ZBTB16: variants seen among roughly 807,000 people sequenced by gnomAD.
ZBTB16 encodes zinc finger and BTB domain containing 16, also known as zinc finger and BTB domain-containing protein 16.
In ZBTB16, 8 loss-of-function variants were observed where a neutral mutation model predicts 56.8. The observed-to-expected ratio is 0.14, with a 90% CI of 0.08 to 0.25. The LOEUF is 0.25. Among genes scored for constraint, ZBTB16 ranks in the 10% least tolerant of loss-of-function variants. The pLI is 1.00. For missense variants in ZBTB16, 625 were observed against 903.0 expected (o/e 0.69, Z 3.95); for synonymous variants, 363 against 368.5 (o/e 0.98, Z 0.17).
chr11:114,061,881 A>G (rs914409944), intron 1 of ZBTB16, among the ~76,000 whole-genome samples: 2 of 152,098 alleles, frequency 1.3e-5, no homozygotes, highest in Non-Finnish European at 2.9e-5. Flanking sequence ...TGGTCACAGG[A>G]CTTGCAGACT....
At chr11:114,236,245 G>C (rs557671635) in intron 4 of ZBTB16, among the ~76,000 whole-genome samples, 1 of 152,266 alleles carries the variant, frequency 6.6e-6, no homozygotes, top group Middle Eastern at 3.4e-3. Flanking sequence ...TTTGTCAGTT[G>C]CATCATAACA....
At chr11:114,071,777 C>G (rs189362678) in intron 2 of ZBTB16, among the ~76,000 whole-genome samples, 13 of 152,268 alleles carry the variant, frequency 8.5e-5, no homozygotes, top group Non-Finnish European at 1.3e-4. Flanking sequence ...GGTGAAAGCT[C>G]TTACTCTCTG....
intron 4 of ZBTB16, among the ~76,000 whole-genome samples, chr11:114,207,531 A>G (rs937607540): frequency 2.0e-5 from 3 of 151,050 alleles, no homozygotes; most frequent in Admixed American, 6.6e-5. Flanking sequence ...TTTCTCCTCC[A>G]TGCATCTTCC....
At chr11:114,096,222 G>T (rs914437006) in intron 2 of ZBTB16, among the ~76,000 whole-genome samples, 1 of 152,172 alleles carries the variant, frequency 6.6e-6, no homozygotes, top group African/African-American at 2.4e-5. Flanking sequence ...TTTATCTCCA[G>T]TTGAGCTTCT....
intron 2 of ZBTB16, among the ~76,000 whole-genome samples, chr11:114,097,485 A>C (rs968179546): frequency 2.0e-5 from 3 of 152,232 alleles, no homozygotes; most frequent in Non-Finnish European, 4.4e-5. Flanking sequence ...ACTACAATAA[A>C]AATGTATTTT....
chr11:114,094,383 T>C (rs1435793438), intron 2 of ZBTB16, among the ~76,000 whole-genome samples: 1 of 152,086 alleles, frequency 6.6e-6, no homozygotes. Flanking sequence ...AACGAGTCCG[T>C]GTAAAGTCTA....
intron 3 of ZBTB16, among the ~76,000 whole-genome samples, chr11:114,167,510 A>G (rs1243751941): frequency 6.7e-6 from 1 of 150,310 alleles, no homozygotes; most frequent in Non-Finnish European, 1.5e-5. Context: ...GATGTGGTAA[A>G]TGGAACATAA....
chr11:114,177,818 G>A (rs1478723844), intron 3 of ZBTB16, among the ~76,000 whole-genome samples: 1 of 151,848 alleles, frequency 6.6e-6, no homozygotes, highest in Non-Finnish European at 1.5e-5. Flanking sequence ...ATTTTTTTTG[G>A]AGACAGAGTA....
intron 3 of ZBTB16, among the ~76,000 whole-genome samples, chr11:114,177,704 C>T (rs373132832): frequency 7.2e-5 from 11 of 152,236 alleles, no homozygotes; most frequent in African/African-American, 2.6e-4. Context: ...TACCACAATA[C>T]CATGATTGCT....
chr11:114,097,837 T>A (rs1940473593), intron 2 of ZBTB16, among the ~76,000 whole-genome samples: 1 of 152,152 alleles, frequency 6.6e-6, no homozygotes, highest in Admixed American at 6.5e-5. Flanking sequence ...CCGCTCTGAT[T>A]TTTTTTTCTT....
intron 3 of ZBTB16, among the ~76,000 whole-genome samples, chr11:114,157,003 A>C (rs1393581760): frequency 1.3e-5 from 2 of 152,260 alleles, no homozygotes; most frequent in Admixed American, 1.3e-4. Context: ...GGTGGAGGGA[A>C]GGATCTAGCA....
chr11:114,128,533 A>T (rs1013642148), intron 2 of ZBTB16, among the ~76,000 whole-genome samples: 11 of 152,148 alleles, frequency 7.2e-5, no homozygotes, highest in Non-Finnish European at 1.0e-4. Flanking sequence ...GCGGGTAAAA[A>T]CTGCGACTAG....
At chr11:114,094,968 G>T (rs116215070) in intron 2 of ZBTB16, among the ~76,000 whole-genome samples, 1,735 of 152,346 alleles carry the variant, frequency 0.011, 25 homozygotes, top group African/African-American at 0.039. Flanking sequence ...TGGGCTGCAG[G>T]TCACTGTGGC....
chr11:114,200,684 C>T (rs560880839), intron 4 of ZBTB16, among the ~76,000 whole-genome samples: 5 of 152,268 alleles, frequency 3.3e-5, no homozygotes, highest in South Asian at 2.1e-4. Context: ...TCCCCACATC[C>T]GAGTCCTGAA....
At chr11:114,235,330 CT>C (rs1944542068) in intron 4 of ZBTB16, among the ~76,000 whole-genome samples, 1 of 152,232 alleles carries the variant, frequency 6.6e-6, no homozygotes, top group Non-Finnish European at 1.5e-5. Flanking sequence ...CCCTCTGCTC[CT>C]TTGATTAAGA....
Position 114,252,348 on chromosome 11 carries a change from A to G in ZBTB16, c.*1793A>G, listed in dbSNP as rs1293200628. ...CCTCTGTGCGTGCATTCTCATTGCC[A>G]GAATTGGTCTATTTTCACGGCTGGT... On this transcript the variant is annotated 3_prime_UTR_variant, in exon 7 of 7. Transcript: ENST00000335953. Among the ~76,000 whole-genome samples the G allele has an allele frequency of 8.0e-6, 1 of 125,188 alleles. No homozygotes were observed. The highest frequency in any genetic ancestry group is 1.6e-5 in the Non-Finnish European group (1 of 62,876). The allele number at this position is 125,188 out of a possible 152,430, so 82.1% of individuals were successfully genotyped here.
intron 2 of ZBTB16, among the ~76,000 whole-genome samples, chr11:114,065,834 A>G (rs1406073967): frequency 6.6e-6 from 1 of 152,216 alleles, no homozygotes; most frequent in Non-Finnish European, 1.5e-5. Flanking sequence ...ACCCCCTGGT[A>G]CTTTGCTGCC....
chr11:114,232,442 G>C (rs77364971), intron 4 of ZBTB16, among the ~76,000 whole-genome samples: 8,985 of 152,292 alleles, frequency 0.059, 362 homozygotes, highest in Admixed American at 0.14. Context: ...CTTGGGAGAA[G>C]TTGTTGAGCA....
At chr11:114,186,737 T>C (rs991705568) in intron 3 of ZBTB16, among the ~76,000 whole-genome samples, 2 of 152,120 alleles carry the variant, frequency 1.3e-5, no homozygotes, top group Non-Finnish European at 2.9e-5. Flanking sequence ...TTTCTCCTTC[T>C]CTCTAGAAGA....
Sources: gnomAD v4.1 joint callset for allele counts (sites outside exome capture counted in the v4.1 genomes callset) on GRCh38, gnomAD v4.1.1 for gene constraint, MANE v1.5 for transcripts, NCBI Gene and HGNC (gene_info 2026-07-23, HGNC 2026-07-21) for gene names.